PTPRU: variants seen among roughly 807,000 people sequenced by gnomAD.
PTPRU encodes protein tyrosine phosphatase receptor type U.
A neutral mutation model predicts 166.3 loss-of-function variants in PTPRU; 69 were observed. That is an observed-to-expected ratio of 0.41 (90% confidence interval 0.34 to 0.51). The LOEUF is 0.51. Among genes scored for constraint, PTPRU ranks in the 20% least tolerant of loss-of-function variants. The probability of loss-of-function intolerance (pLI) is 0.09; values close to 1 mark genes in which losing one functional copy is unlikely to be tolerated. For missense variants in PTPRU, 1,657 were observed against 2,013.7 expected (o/e 0.82, Z 3.39); for synonymous variants, 793 against 814.0 (o/e 0.97, Z 0.44).
chr1:29,278,349 T>C (rs953950227), intron 8 of PTPRU, among the ~76,000 whole-genome samples: 3 of 152,188 alleles, frequency 2.0e-5, no homozygotes, highest in Non-Finnish European at 2.9e-5. Context: ...CATAGTGGTT[T>C]ATCAAGGTAT....
chr1:29,239,863 A>G (rs1683962443), intron 1 of PTPRU, among the ~76,000 whole-genome samples: 1 of 152,020 alleles, frequency 6.6e-6, no homozygotes, highest in Non-Finnish European at 1.5e-5. Flanking sequence ...GGATCTTTGT[A>G]AAGTACATTT....
rs955029271 is a variant in PTPRU at position 29,256,192 on chromosome 1, G to T, written c.205+786G>T. On this transcript the variant is annotated intron_variant, in intron 2 of 29. Coordinates refer to ENST00000373779, the MANE Select transcript of PTPRU (RefSeq NM_133178.4). ...ACAGAGCACAGGGGTGGCATGCAGG[G>T]GTCAGTTATTTAATTGCTATGGTTG... Among the ~76,000 whole-genome samples, 15 of 152,112 alleles carry T rather than the reference G, an allele frequency of 9.9e-5. 1 individual carries two copies. Among genetic ancestry groups the T allele is most frequent in the Admixed American group, 5.9e-4 (9 of 15,264 alleles).
Position 29,284,862 on chromosome 1 carries a change from C to G in PTPRU, c.2311C>G (p.Arg771Gly), listed in dbSNP as rs774218458. 2 of 1,610,914 alleles carry G rather than the reference C, an allele frequency of 1.2e-6. No homozygotes were observed. Among genetic ancestry groups the G allele is most frequent in the African/African-American group, 2.7e-5 (2 of 74,852 alleles). The change falls in exon 14 of 30, where the codon CGC (arginine) becomes GGC (glycine). Residue 771 changes from arginine (R) to glycine (G), a missense_variant. Arg to Gly is a moderately radical substitution (Grantham distance 125). This residue lies in a region of PTPRU where 1,190 missense variants were observed against 1,477.4 expected (regional missense o/e 0.81). Coordinates refer to ENST00000373779, the MANE Select transcript of PTPRU (RefSeq NM_133178.4). ...CCTGGGTGCCATCATTGTCATCATC[C>G]GCAAAGGGTGAGTGAGGCCGGTGCC... ...LLLGAIIVIIRKGKPVNMTKA... is the reference protein window; with the variant it reads ...LLLGAIIVIIGKGKPVNMTKA...
chr1:29,259,580 GA>G lies in PTPRU; in HGVS notation c.675+17del. The G allele has an allele frequency of 2.0e-6, 1 of 490,896 alleles. No homozygotes were observed. Among genetic ancestry groups the G allele is most frequent in the Non-Finnish European group, 4.0e-6 (1 of 252,946 alleles). 30.4% of individuals were successfully genotyped at this position (490,896 alleles called of 1,614,324 possible). On this transcript the variant is annotated intron_variant, in intron 5 of 29. Coordinates refer to ENST00000373779, the MANE Select transcript of PTPRU (RefSeq NM_133178.4). Reference sequence around the variant, plus strand: ...CCTCTTGCAAGTGAGCGGGAGCGGTGATCTTGGCTGGGGGCGGGGTGGGAGG... The same window carrying G: ...CCTCTTGCAAGTGAGCGGGAGCGGTGTCTTGGCTGGGGGCGGGGTGGGAGG...
In PTPRU at chr1:29,311,723, G is replaced by C. The variant is rs1574713089; in HGVS notation, c.3036G>C (p.Leu1012=). ...TTATGCTGGTGAAGACAGAGACCCT[G>C]GCTGAGTATGTCGTGCGCACTTTTG... ...IKIMLVKTET[L]AEYVVRTFAL... Residue 1012 remains leucine (L), a synonymous_variant, in exon 21 of 30, where the codon CTG becomes CTC. Coordinates refer to ENST00000373779, the MANE Select transcript of PTPRU (RefSeq NM_133178.4). This position sits in a 1 kb window ranked among gnomAD's most constrained non-coding sequence, Gnocchi z 4.1. 6.2e-7 allele frequency: 1 copy of C among 1,614,218 alleles called. No homozygotes were observed. The highest frequency in any genetic ancestry group is 2.2e-5 in the East Asian group (1 of 44,890).
chr1:29,303,727 T>C (rs1687247966), intron 15 of PTPRU, 128 bp from the exon 16 acceptor site: 2 of 1,025,062 alleles, frequency 2.0e-6, no homozygotes, highest in Middle Eastern at 3.1e-4. Flanking sequence ...GCTGCTTGGC[T>C]CCAGCCAACA....
intron 22 of PTPRU, 97 bp downstream of exon 22, chr1:29,312,803 G>A (rs899357668): frequency 7.1e-7 from 1 of 1,417,678 alleles, no homozygotes; most frequent in Non-Finnish European, 9.4e-7. Flanking sequence ...TGGGGACCAG[G>A]CCTGGGTTCT....
chr1:29,316,604 T>C (rs1687912050), intron 24 of PTPRU, among the ~76,000 whole-genome samples: 1 of 152,206 alleles, frequency 6.6e-6, no homozygotes, highest in South Asian at 2.1e-4. Flanking sequence ...GGGGCTCAGA[T>C]GATGATGCCA....
At chr1:29,283,626 G>T in intron 12 of PTPRU, 1 of 418,932 alleles carries the variant, frequency 2.4e-6, no homozygotes, top group Non-Finnish European at 4.3e-6. Flanking sequence ...TTCTTGCCTG[G>T]TTTCTGACTT....
In PTPRU at chr1:29,238,873, G is replaced by T. The variant is rs565030409; in HGVS notation, c.73+2156G>T. On this transcript the variant is annotated intron_variant, in intron 1 of 29. Coordinates refer to ENST00000373779, the MANE Select transcript of PTPRU (RefSeq NM_133178.4). This position sits in a 1 kb window ranked among gnomAD's most constrained non-coding sequence, Gnocchi z 6.1. ...TCAGGAACTGAAGTTTGGGAGTGAG[G>T]CCTAGAGCAGGTTACTCCCATTCTT... is the stretch of plus-strand genomic sequence containing the variant. Among the ~76,000 whole-genome samples, 11 of 152,326 alleles carry T rather than the reference G, an allele frequency of 7.2e-5. No individual in the cohort carries two copies. In the East Asian group the frequency reaches 2.1e-3, roughly 29 times the overall value.
At chr1:29,255,668 A>G (rs1338430613) in intron 2 of PTPRU, among the ~76,000 whole-genome samples, 1 of 152,144 alleles carries the variant, frequency 6.6e-6, no homozygotes, top group Non-Finnish European at 1.5e-5. Context: ...CTTGCTGCCT[A>G]GCTCAGGATC....
Position 29,317,763 on chromosome 1 carries a change from A to G in PTPRU, c.3529A>G (p.Thr1177Ala), listed in dbSNP as rs761032911. 11 of 1,606,012 alleles carry G rather than the reference A, an allele frequency of 6.8e-6. No homozygotes were observed. The highest frequency in any genetic ancestry group is 1.3e-5 in the African/African-American group (1 of 74,676). Residue 1177 changes from threonine to alanine, a missense_variant, in exon 25 of 30, where the codon ACC (threonine) becomes GCC (alanine). By Grantham distance (58) the Thr-to-Ala change is moderately conservative. Transcript: ENST00000373779. This position sits in a 1 kb window ranked among gnomAD's most constrained non-coding sequence, Gnocchi z 5.6. Reference protein sequence around the residue: ...REEFQTLNSVTPPLDVEECSI... With the variant: ...REEFQTLNSVAPPLDVEECSI... ...CTCCCTGTAGACGCTGAACTCGGTC[A>G]CCCCGCCGCTGGACGTGGAGGAGTG...
At position 29,293,313 on chromosome 1, in the gene PTPRU, A is replaced by ATGTTAGCCACGC. The variant is rs1369947949; in HGVS notation, c.2476+1302_2476+1313dup. On this transcript the variant is annotated intron_variant, in intron 15 of 29. Transcript: ENST00000373779. ...TTTTTAGTAGAGACAGGGTTTCACC[A>ATGTTAGCCACGC]TGTTAGCCACGCTGTTAGCCACGCT... is the stretch of plus-strand genomic sequence containing the variant. 3.3e-5 allele frequency among the ~76,000 whole-genome samples: 5 copies of ATGTTAGCCACGC among 151,820 alleles called. No individual in the cohort carries two copies. The South Asian group carries it at 6.3e-4, about 19-fold the overall frequency.
At chr1:29,312,288 A>G (rs1339990248) in intron 21 of PTPRU, among the ~76,000 whole-genome samples, 3 of 152,304 alleles carry the variant, frequency 2.0e-5, no homozygotes, top group Non-Finnish European at 2.9e-5. Context: ...TTCACAGCCC[A>G]GGTTTAGGCA....
At chr1:29,312,789 G>A in intron 22 of PTPRU, 83 bp downstream of exon 22, 1 of 1,475,678 alleles carries the variant, frequency 6.8e-7, no homozygotes, top group South Asian at 1.3e-5. Context: ...TTCAGGATCT[G>A]TAGTGGGGAC....
At position 29,279,118 on chromosome 1, in the gene PTPRU, T is replaced by C. The variant is rs1252285913; in HGVS notation, c.1560T>C (p.Tyr520=). The C allele has an allele frequency of 7.0e-6, 11 of 1,567,334 alleles. No individual in the cohort carries two copies. The highest frequency in any genetic ancestry group is 9.5e-6 in the Non-Finnish European group (11 of 1,155,250). Residue 520 remains tyrosine, a synonymous_variant, in exon 9 of 30, where the codon TAT becomes TAC. Coordinates refer to ENST00000373779, the MANE Select transcript of PTPRU (RefSeq NM_133178.4). The surrounding 1 kb of genome is among the most constrained non-coding windows in gnomAD (Gnocchi z 5.2). ...PQEPNGLITQ[Y]EISYQSIESS... ...AGCCCAATGGTCTCATCACCCAGTA[T>C]GAGGTGGGTTTGGGACCCTATTACA... is the stretch of plus-strand genomic sequence containing the variant.
chr1:29,323,922 GC>G, intron 28 of PTPRU, 134 bp downstream of exon 28: 2 of 1,163,058 alleles, frequency 1.7e-6, no homozygotes, highest in Non-Finnish European at 2.4e-6. Context: ...GATGGCTGTG[GC>G]CAGGATGCTG....
intron 28 of PTPRU, among the ~76,000 whole-genome samples, chr1:29,324,917 C>G (rs548159680): frequency 1.3e-5 from 2 of 150,372 alleles, no homozygotes; most frequent in South Asian, 2.1e-4. Flanking sequence ...CCCCTCCTTT[C>G]TGGGTTTCCT....
chr1:29,325,733 C>A lies in PTPRU; in HGVS notation c.*72C>A, dbSNP rs1688385738. 7.7e-6 allele frequency: 11 copies of A among 1,433,876 alleles called. No homozygotes were observed. The highest frequency in any genetic ancestry group is 1.0e-5 in the Non-Finnish European group (11 of 1,050,434). The allele number at this position is 1,433,876 out of a possible 1,614,324, so 88.8% of individuals were successfully genotyped here. A position where few individuals can be genotyped will look rare whatever the true frequency, so the allele number is the denominator to read the frequency against. On this transcript the variant is annotated 3_prime_UTR_variant, in exon 30 of 30. Transcript: ENST00000373779. ...ACCATCCTGGACTGGCGAGGAAGAT[C>A]AGTGCCTCCTGCTCTGCCCAAACAC...
Sources: allele counts gnomAD v4.1 joint callset (sites outside exome capture counted in the v4.1 genomes callset), GRCh38; gene constraint gnomAD v4.1.1; regional missense constraint gnomAD v4.1.1; non-coding constraint Gnocchi (gnomAD v3.1); transcripts MANE v1.5; gene names NCBI Gene and HGNC (gene_info 2026-07-23, HGNC 2026-07-21).